Variants in FBXO21 observed in about 807,000 individuals in gnomAD.
The protein encoded by FBXO21 is F-box protein 21.
FBXO21 carries 32 observed loss-of-function variants against 76.6 expected under a neutral mutation model. That is an observed-to-expected ratio of 0.42 (90% CI 0.32 to 0.56). The LOEUF (loss-of-function observed/expected upper bound fraction) is 0.56. Among genes scored for constraint, FBXO21 ranks in the 20% least tolerant of loss-of-function variants. The probability of loss-of-function intolerance (pLI) is 0.16; values close to 1 mark genes in which losing one functional copy is unlikely to be tolerated. For synonymous variants in FBXO21, 328 were observed against 311.5 expected, an observed-to-expected ratio of 1.05 and a Z score of -0.56; for missense variants, 586 against 797.3, an observed-to-expected ratio of 0.73 and a Z score of 3.19.
chr12:117,178,984 T>C (rs549844977), intron 3 of FBXO21, among the ~76,000 whole-genome samples: 1 of 152,232 alleles, frequency 6.6e-6, no homozygotes, highest in South Asian at 2.1e-4. Flanking sequence ...CCATAACACT[T>C]GTTGAGTGGA....
intron 11 of FBXO21, among the ~76,000 whole-genome samples, chr12:117,146,864 G>A (rs980117330): frequency 2.6e-5 from 4 of 152,180 alleles, no homozygotes; most frequent in Non-Finnish European, 5.9e-5. Flanking sequence ...CAGACCCCAT[G>A]TGGATATCAG....
rs1360471738 is a variant in FBXO21, at chr12:117,145,963, C to T, written c.*124G>A. ...TAAACTTAGTAGGAGGCAACCAGCA[C>T]TACTGGTGGAGTGGCTTTCCTGGTG... On this transcript the variant is annotated 3_prime_UTR_variant, in exon 12 of 12. Transcript: ENST00000622495. 1 of 685,732 alleles carries T rather than the reference C, an allele frequency of 1.5e-6. No individual in the cohort carries two copies. Among genetic ancestry groups the T allele is most frequent in the Non-Finnish European group, 2.4e-6 (1 of 418,208 alleles). 42.5% of individuals were successfully genotyped at this position (685,732 alleles called of 1,614,324 possible). A position where few individuals can be genotyped will look rare whatever the true frequency, so the allele number is the denominator to read the frequency against.
In FBXO21 at chr12:117,157,918, T is replaced by C; in HGVS notation, c.1472A>G (p.His491Arg). The C allele has an allele frequency of 6.2e-7, 1 of 1,613,876 alleles. No homozygotes were observed. Among genetic ancestry groups the C allele is most frequent in the Non-Finnish European group, 8.5e-7 (1 of 1,179,846 alleles). Residue 491 changes from histidine to arginine, a missense_variant, in exon 10 of 12, where the codon CAC (histidine) becomes CGC (arginine). By Grantham distance (29) the His-to-Arg change is conservative (BLOSUM62 0). Around this residue, in one of 6 missense-constraint regions of FBXO21, gnomAD observed 164 missense variants for 236.7 expected, o/e 0.69. Coordinates refer to ENST00000622495, the MANE Select transcript of FBXO21 (RefSeq NM_015002.3). ...CCCGATGGAGTAGCAGACATCTCTG[T>C]GCTTCTCATCGGAGCGCAGCTTCAC... Reference protein sequence around the residue: ...VEVKLRSDEKHRDVCYSIGLI... With the variant: ...VEVKLRSDEKRRDVCYSIGLI...
chr12:117,169,391 C>T (rs1005087319), intron 7 of FBXO21, among the ~76,000 whole-genome samples: 4 of 152,108 alleles, frequency 2.6e-5, no homozygotes, highest in African/African-American at 9.7e-5. Flanking sequence ...ATGAAATAAT[C>T]TGCACAACAA....
chr12:117,174,725 T>C lies in FBXO21; in HGVS notation c.665A>G (p.Asp222Gly), dbSNP rs1260343434. Reference protein sequence around the residue: ...ISLKDIQAQIDSIVELVCKTL... With the variant: ...ISLKDIQAQIGSIVELVCKTL... ...TTTGCAAACAAGCTCCACGATGCTGTCAATTTGGGCCTGGATGTCTTTGAG... is the reference window on the plus strand; with the variant it reads ...TTTGCAAACAAGCTCCACGATGCTGCCAATTTGGGCCTGGATGTCTTTGAG... Residue 222 changes from aspartate (D) to glycine (G), a missense_variant, in exon 5 of 12, where the codon GAC (aspartate) becomes GGC (glycine). Transcript: ENST00000622495. 3.1e-6 allele frequency: 5 copies of C among 1,614,092 alleles called. No homozygotes were observed. The highest frequency in any genetic ancestry group is 1.7e-5 in the Admixed American group (1 of 60,008).
Position 117,155,823 on chromosome 12 carries a change from A to G in FBXO21, c.1643T>C (p.Val548Ala). 2 of 1,614,098 alleles carry G rather than the reference A, an allele frequency of 1.2e-6. No individual in the cohort carries two copies. The highest frequency in any genetic ancestry group is 1.7e-6 in the Non-Finnish European group (2 of 1,179,948). The change falls in exon 11 of 12, where the codon GTG (valine) becomes GCG (alanine). Residue 548 changes from valine (V) to alanine (A), a missense_variant. Val to Ala is a moderately conservative substitution (Grantham distance 64). Transcript: ENST00000622495. ...TGCGTATCGACAGGAGCCGTCCTCC[A>G]CCAGCACGTTATAGAAAGGCTGGTG... ...GHHQPFYNVL[V>A]EDGSCRYAAQ...
At chr12:117,164,981 T>C (rs968134215) in intron 9 of FBXO21, among the ~76,000 whole-genome samples, 2 of 152,170 alleles carry the variant, frequency 1.3e-5, no homozygotes, top group Non-Finnish European at 2.9e-5. Flanking sequence ...AAGGGGGCCA[T>C]TAAAAAACTG....
intron 11 of FBXO21, among the ~76,000 whole-genome samples, chr12:117,147,962 G>A (rs1331952303): frequency 5.3e-5 from 8 of 152,220 alleles, no homozygotes; most frequent in Non-Finnish European, 7.3e-5. Context: ...TAAGGCCAAC[G>A]ATGGGCTCAC....
At chr12:117,188,599 G>GAAAAC (rs749816845) in intron 2 of FBXO21, among the ~76,000 whole-genome samples, 1 of 137,096 alleles carries the variant, frequency 7.3e-6, no homozygotes, top group Non-Finnish European at 1.6e-5. Context: ...AAGAAAAAAA[G>GAAAAC]AAAACAAAAC....
intron 11 of FBXO21, among the ~76,000 whole-genome samples, chr12:117,151,805 G>A (rs1280502239): frequency 1.3e-5 from 2 of 152,146 alleles, no homozygotes; most frequent in Non-Finnish European, 2.9e-5. Context: ...GAAGTAGAGA[G>A]AATAACAGTG....
intron 3 of FBXO21, among the ~76,000 whole-genome samples, chr12:117,183,871 C>T (rs971780962): frequency 3.3e-5 from 5 of 152,336 alleles, no homozygotes; most frequent in African/African-American, 7.2e-5. Flanking sequence ...ATATGATGCA[C>T]GTTTTCCTTT....
At chr12:117,181,804 C>A (rs1361602211) in intron 3 of FBXO21, among the ~76,000 whole-genome samples, 1 of 152,116 alleles carries the variant, frequency 6.6e-6, no homozygotes, top group East Asian at 1.9e-4. Context: ...TGCCTGCCAC[C>A]ATGCCCGGCT....
chr12:117,152,589 AAAAC>A (rs1955857349), intron 11 of FBXO21, among the ~76,000 whole-genome samples: 1 of 151,642 alleles, frequency 6.6e-6, no homozygotes, highest in Non-Finnish European at 1.5e-5. Context: ...AAAGAGAAAA[AAAAC>A]AACCAAATGC....
intron 11 of FBXO21, chr12:117,154,197 C>A (rs935447834): frequency 2.6e-5 from 4 of 152,216 alleles, no homozygotes; most frequent in Non-Finnish European, 5.9e-5. Context: ...TTATATTCGA[C>A]ACAGCTTCAA....
At chr12:117,161,467 A>C (rs1474224431) in intron 9 of FBXO21, among the ~76,000 whole-genome samples, 2 of 152,048 alleles carry the variant, frequency 1.3e-5, no homozygotes, top group Non-Finnish European at 2.9e-5. Flanking sequence ...GGGTTTAAGC[A>C]GTGAAGGGAC....
chr12:117,185,399 A>G (rs2135887400), intron 3 of FBXO21, among the ~76,000 whole-genome samples: 1 of 152,330 alleles, frequency 6.6e-6, no homozygotes, highest in African/African-American at 2.4e-5. Flanking sequence ...TTTGTGAGAT[A>G]TTTCGCAAAG....
intron 4 of FBXO21, among the ~76,000 whole-genome samples, chr12:117,176,629 G>C (rs1191467639): frequency 3.9e-5 from 6 of 152,240 alleles, no homozygotes; most frequent in Non-Finnish European, 2.9e-5. Context: ...ATGAAAGCAA[G>C]TATTACTCAG....
Position 117,143,770 on chromosome 12 carries a change from G to A in FBXO21, c.*2317C>T, listed in dbSNP as rs1955739104. 1 of 152,632 alleles carries A rather than the reference G, an allele frequency of 6.6e-6. No homozygotes were observed. Among genetic ancestry groups the A allele is most frequent in the South Asian group, 2.1e-4 (1 of 4,828 alleles). The allele number at this position is 152,632 out of a possible 1,614,324, so 9.5% of individuals were successfully genotyped here. On this transcript the variant is annotated 3_prime_UTR_variant, in exon 12 of 12. Transcript: ENST00000622495. ...TCTGTCCTCAAACGAAATTGGGCAG[G>A]CCATTTGCGTGGTTTCTCTGGATAA...
chr12:117,166,820 T>C, intron 8 of FBXO21, 78 bp downstream of exon 8: 1 of 1,290,710 alleles, frequency 7.7e-7, no homozygotes, highest in East Asian at 2.3e-5. Flanking sequence ...GAAAAGTCAC[T>C]TGGCACATCT....
Sources: allele counts gnomAD v4.1 joint callset (sites outside exome capture counted in the v4.1 genomes callset), GRCh38; gene constraint gnomAD v4.1.1; regional missense constraint gnomAD v4.1.1; transcripts MANE v1.5; gene names NCBI Gene and HGNC (gene_info 2026-07-23, HGNC 2026-07-21).